Variants in CSMD3 observed in about 807,000 individuals in gnomAD.
CSMD3 encodes CUB and Sushi multiple domains 3, also known as CUB and sushi domain-containing protein 3.
CSMD3 carries 177 observed loss-of-function variants against 435.2 expected under a neutral mutation model. That is an observed-to-expected ratio of 0.41 (90% CI 0.36 to 0.46). The LOEUF is 0.46. Ranked by LOEUF, CSMD3 falls within the 20% of genes least tolerant of loss-of-function variation. CSMD3 has a pLI of 0.34. For missense variants in CSMD3, 4,265 were observed against 4,504.6 expected (o/e 0.95, Z 1.52); for synonymous variants, 1,656 against 1,520.5 (o/e 1.09, Z -2.07).
intron 5 of CSMD3, among the ~76,000 whole-genome samples, chr8:113,026,760 T>C (rs899204242): frequency 1.3e-5 from 2 of 152,178 alleles, no homozygotes; most frequent in Non-Finnish European, 2.9e-5. Flanking sequence ...TTTAGTTCTT[T>C]TCTTATTCAA....
intron 22 of CSMD3, among the ~76,000 whole-genome samples, chr8:112,619,895 T>G (rs1300786494): frequency 6.6e-6 from 1 of 151,996 alleles, no homozygotes; most frequent in African/African-American, 2.4e-5. Flanking sequence ...ATAATACCCA[T>G]GAGATCTAAA....
rs949778533 is a variant in CSMD3 at position 113,396,268 on chromosome 8, A to G, written c.178+40409T>C. On this transcript the variant is annotated intron_variant, in intron 1 of 70. Coordinates refer to ENST00000297405, the MANE Select transcript of CSMD3 (RefSeq NM_198123.2). ...AGGTGAACCAGAAGACTTGTATTCT[A>G]CATGAGAACTGTGGATAATACATGT... is the stretch of plus-strand genomic sequence containing the variant. Among the ~76,000 whole-genome samples, 4 of 152,242 alleles carry G rather than the reference A, an allele frequency of 2.6e-5. No individual in the cohort carries two copies. The East Asian group carries it at 5.8e-4, about 22-fold the overall frequency.
intron 16 of CSMD3, among the ~76,000 whole-genome samples, chr8:112,671,477 T>C (rs2075654365): frequency 6.6e-6 from 1 of 152,154 alleles, no homozygotes; most frequent in East Asian, 1.9e-4. Flanking sequence ...CCAGTACTTT[T>C]CTACTAGCTC....
At chr8:112,602,418 T>C (rs2131422999) in intron 22 of CSMD3, among the ~76,000 whole-genome samples, 1 of 151,952 alleles carries the variant, frequency 6.6e-6, no homozygotes, top group Non-Finnish European at 1.5e-5. Flanking sequence ...ACACAAAAAT[T>C]AGCTGGGTGT....
chr8:112,809,934 G>C (rs2079180564), intron 12 of CSMD3, among the ~76,000 whole-genome samples: 1 of 152,066 alleles, frequency 6.6e-6, no homozygotes, highest in South Asian at 2.1e-4. Flanking sequence ...AGTCTCTATG[G>C]GAGGATAGGA....
chr8:113,239,026 T>C (rs564041276), intron 3 of CSMD3, among the ~76,000 whole-genome samples: 1 of 152,270 alleles, frequency 6.6e-6, no homozygotes, highest in African/African-American at 2.4e-5. Context: ...ATCCAATCTG[T>C]TGAACACTCA....
At chr8:112,829,824 C>T in intron 11 of CSMD3, 35 bp from the exon 12 acceptor site, 1 of 1,132,798 alleles carries the variant, frequency 8.8e-7, no homozygotes, top group Non-Finnish European at 1.3e-6. Flanking sequence ...CTTAAATATA[C>T]TGCGTTGTGC....
Position 113,071,654 on chromosome 8 carries a change from T to G in CSMD3, c.917+27102A>C, listed in dbSNP as rs537098681. Among the ~76,000 whole-genome samples the G allele has an allele frequency of 1.4e-4, 22 of 152,064 alleles. No homozygotes were observed. In the South Asian group the frequency reaches 4.1e-3, roughly 29 times the overall value. ...GTAAATTGATTTTCTTGTCTATCTATTCTGTTCCATTGTCTGTTTTTATGG... is the reference window on the plus strand; with the variant it reads ...GTAAATTGATTTTCTTGTCTATCTAGTCTGTTCCATTGTCTGTTTTTATGG... On this transcript the variant is annotated intron_variant, in intron 5 of 70. Transcript: ENST00000297405.
At chr8:112,470,552 CA>C (rs1416386193) in intron 32 of CSMD3, among the ~76,000 whole-genome samples, 1 of 151,814 alleles carries the variant, frequency 6.6e-6, no homozygotes, top group Non-Finnish European at 1.5e-5. Flanking sequence ...AGCCTGAACC[CA>C]GAAATCTGAC....
intron 10 of CSMD3, among the ~76,000 whole-genome samples, chr8:112,916,795 TTAA>T (rs2082585596): frequency 6.6e-6 from 1 of 151,940 alleles, no homozygotes; most frequent in South Asian, 2.1e-4. Flanking sequence ...TTGGTTACAA[TTAA>T]TTAAATCTTC....
intron 59 of CSMD3, among the ~76,000 whole-genome samples, chr8:112,267,712 C>T (rs1817081468): frequency 6.6e-6 from 1 of 152,036 alleles, no homozygotes; most frequent in Non-Finnish European, 1.5e-5. Flanking sequence ...AAAGAGAGGA[C>T]AGAGCGTTTA....
At chr8:112,415,569 G>A (rs1586250884) in intron 32 of CSMD3, among the ~76,000 whole-genome samples, 1 of 152,324 alleles carries the variant, frequency 6.6e-6, no homozygotes, top group East Asian at 1.9e-4. Context: ...GGAGCTATGA[G>A]AAGAGGGCCA....
At chr8:112,443,132 T>A (rs945644310) in intron 32 of CSMD3, among the ~76,000 whole-genome samples, 1 of 152,208 alleles carries the variant, frequency 6.6e-6, no homozygotes, top group Admixed American at 6.5e-5. Context: ...TAGAAACTTA[T>A]GTAAAGTGCA....
intron 6 of CSMD3, among the ~76,000 whole-genome samples, chr8:112,986,004 C>T (rs1238205561): frequency 1.3e-5 from 2 of 152,152 alleles, no homozygotes; most frequent in Non-Finnish European, 2.9e-5. Flanking sequence ...AAACTGTCTT[C>T]CACAAAATCA....
intron 1 of CSMD3, among the ~76,000 whole-genome samples, chr8:113,399,106 TACAC>T (rs56045224): frequency 1.1e-5 from 1 of 95,096 alleles, no homozygotes; most frequent in African/African-American, 4.5e-5. Context: ...TATATATATA[TACAC>T]ACACACACAC....
chr8:112,417,139 T>C (rs955100650), intron 32 of CSMD3, among the ~76,000 whole-genome samples: 1 of 152,188 alleles, frequency 6.6e-6, no homozygotes, highest in Non-Finnish European at 1.5e-5. Context: ...TCAGCACTTA[T>C]AGCTGAGCAG....
chr8:112,459,959 C>A (rs1817278141), intron 32 of CSMD3, among the ~76,000 whole-genome samples: 1 of 152,140 alleles, frequency 6.6e-6, no homozygotes. Context: ...AGACTTAGGT[C>A]ATGTGCCATC....
chr8:112,679,887 C>G (rs979812794), intron 16 of CSMD3, among the ~76,000 whole-genome samples: 4 of 152,142 alleles, frequency 2.6e-5, no homozygotes, highest in Admixed American at 6.5e-5. Context: ...TGTTTAGCCA[C>G]AGGGTAACTT....
At chr8:112,829,884 TGCACACAC>T (rs2132478129) in intron 11 of CSMD3, 95 bp from the exon 12 acceptor site, 1 of 605,894 alleles carries the variant, frequency 1.7e-6, no homozygotes, top group Non-Finnish European at 2.9e-6. Context: ...TTTGTCTCTC[TGCACACAC>T]ACACACACAC....
Sources: allele counts gnomAD v4.1 joint callset (sites outside exome capture counted in the v4.1 genomes callset), GRCh38; gene constraint gnomAD v4.1.1; transcripts MANE v1.5; gene names NCBI Gene and HGNC (gene_info 2026-07-23, HGNC 2026-07-21).